GRK3: variants seen among roughly 807,000 people sequenced by gnomAD.
GRK3 encodes the protein adrenergic, beta, receptor kinase 2.
In GRK3, 54 loss-of-function variants were observed where a neutral mutation model predicts 95.7. That is an observed-to-expected ratio of 0.56 (90% confidence interval 0.45 to 0.71). The LOEUF (loss-of-function observed/expected upper bound fraction) is 0.71. GRK3 is among the 30% of genes least tolerant of loss of function. GRK3 has a pLI of 0.00. For missense variants in GRK3, 649 were observed against 851.2 expected (o/e 0.76, Z 2.96); for synonymous variants, 281 against 290.8 (o/e 0.97, Z 0.34).
rs529128041 is a variant in GRK3 at position 25,576,061 on chromosome 22, A to G, written c.113+10908A>G. Among the ~76,000 whole-genome samples, 8 of 152,354 alleles carry G rather than the reference A, an allele frequency of 5.3e-5. 1 individual carries two copies. The South Asian group carries it at 1.7e-3, about 32-fold the overall frequency. On this transcript the variant is annotated intron_variant, in intron 1 of 20. Coordinates refer to ENST00000324198, the MANE Select transcript of GRK3 (RefSeq NM_005160.4). ...AGCCTCCCCCTCCCAAAAGTGCGCT[A>G]ACTCACTTACACAGATTTATCTGAA...
At position 25,632,098 on chromosome 22, in the gene GRK3, C is replaced by A. The variant is rs1279543940; in HGVS notation, c.191-12494C>A. Among the ~76,000 whole-genome samples, 110 of 152,088 alleles carry A rather than the reference C, an allele frequency of 7.2e-4. 3 individuals carry two copies. The highest frequency in any genetic ancestry group is 7.2e-3 in the Admixed American group (110 of 15,266). ...ATACTTAGGAGTGGGATTATTGGGT[C>A]AAATGACAAATGTTTGTTTAAAGAA... On this transcript the variant is annotated intron_variant, in intron 2 of 20. Coordinates refer to ENST00000324198, the MANE Select transcript of GRK3 (RefSeq NM_005160.4).
intron 3 of GRK3, among the ~76,000 whole-genome samples, chr22:25,657,546 T>C (rs1439600366): frequency 2.0e-5 from 3 of 152,194 alleles, no homozygotes; most frequent in African/African-American, 7.2e-5. Context: ...ACTATCAATT[T>C]GTTTTTATAT....
At chr22:25,647,896 A>C in intron 3 of GRK3, 1 of 588,540 alleles carries the variant, frequency 1.7e-6, no homozygotes, top group Non-Finnish European at 3.2e-6. Context: ...GGATCACCTG[A>C]GGTCAGGAGT....
Position 25,724,043 on chromosome 22 carries a change from G to A in GRK3, c.*1593G>A, listed in dbSNP as rs1332932988. ...TTCTACTATCTGTTATTTCCAGTGTGGGAGGAGGGATGTACTACTTACATG... is the reference window on the plus strand; with the variant it reads ...TTCTACTATCTGTTATTTCCAGTGTAGGAGGAGGGATGTACTACTTACATG... On this transcript the variant is annotated 3_prime_UTR_variant, in exon 21 of 21. Coordinates refer to ENST00000324198, the MANE Select transcript of GRK3 (RefSeq NM_005160.4). 1 of 151,478 alleles carries A rather than the reference G, an allele frequency of 6.6e-6. No individual in the cohort carries two copies. The highest frequency in any genetic ancestry group is 1.5e-5 in the Non-Finnish European group (1 of 67,928). 9.4% of individuals were successfully genotyped at this position (151,478 alleles called of 1,614,324 possible).
intron 1 of GRK3, among the ~76,000 whole-genome samples, chr22:25,566,180 A>G (rs996950492): frequency 1.3e-5 from 2 of 152,108 alleles, no homozygotes; most frequent in Non-Finnish European, 2.9e-5. Flanking sequence ...TTGTACAGCT[A>G]ATGTGATTCC....
rs1489125729 is a variant in GRK3 at position 25,727,438 on chromosome 22, G to A, written c.*4988G>A. The A allele has an allele frequency of 1.3e-5, 2 of 152,212 alleles. No individual in the cohort carries two copies. Among genetic ancestry groups the A allele is most frequent in the Non-Finnish European group, 2.9e-5 (2 of 68,038 alleles). 9.4% of individuals were successfully genotyped at this position (152,212 alleles called of 1,614,324 possible). On this transcript the variant is annotated 3_prime_UTR_variant, in exon 21 of 21. Transcript: ENST00000324198. ...GTTGTTTTATTTCAGCCGAATCACA[G>A]AGATAACCACTCCTGCAGGCCCCCA...
intron 2 of GRK3, among the ~76,000 whole-genome samples, chr22:25,636,480 C>A (rs550910129): frequency 1.3e-5 from 2 of 152,300 alleles, no homozygotes; most frequent in South Asian, 4.1e-4. Context: ...TTTGTGTAAG[C>A]CTAGAGTACA....
Position 25,716,005 on chromosome 22 carries a change from T to G in GRK3, c.1654+1435T>G, listed in dbSNP as rs113249284. Among the ~76,000 whole-genome samples the G allele has an allele frequency of 5.1e-3, 774 of 152,244 alleles. 6 individuals carry two copies. Among genetic ancestry groups the G allele is most frequent in the African/African-American group, 0.018 (750 of 41,540 alleles). ...ATTTGTAAGCTCTTCTTTTTTTTTC[T>G]AGATGGAGTCTCACACTGTCACCCA... is the stretch of plus-strand genomic sequence containing the variant. On this transcript the variant is annotated intron_variant, in intron 18 of 20. Transcript: ENST00000324198.
At chr22:25,685,358 G>A in intron 10 of GRK3, 110 bp downstream of exon 10, 1 of 834,336 alleles carries the variant, frequency 1.2e-6, no homozygotes, top group Non-Finnish European at 2.0e-6. Context: ...CAGGTAATTA[G>A]GTTCCCCCTG....
chr22:25,683,107 T>G (rs1324451095), intron 9 of GRK3, among the ~76,000 whole-genome samples: 1 of 152,254 alleles, frequency 6.6e-6, no homozygotes, highest in African/African-American at 2.4e-5. Flanking sequence ...TTTACATTTT[T>G]AAAGGATTGT....
intron 2 of GRK3, among the ~76,000 whole-genome samples, chr22:25,608,420 C>T (rs1333583370): frequency 2.0e-5 from 3 of 152,146 alleles, no homozygotes; most frequent in Non-Finnish European, 4.4e-5. Context: ...TGCCCCCATG[C>T]GTAACATGGC....
chr22:25,651,466 G>A (rs1168843771), intron 3 of GRK3, among the ~76,000 whole-genome samples: 1 of 152,184 alleles, frequency 6.6e-6, no homozygotes, highest in African/African-American at 2.4e-5. Context: ...ACTAAAAACT[G>A]TGGTTGTTTT....
At chr22:25,701,411 A>C (rs1157987567) in intron 13 of GRK3, among the ~76,000 whole-genome samples, 1 of 152,252 alleles carries the variant, frequency 6.6e-6, no homozygotes, top group African/African-American at 2.4e-5. Flanking sequence ...AACTTGAAAG[A>C]CCAAACTGTC....
chr22:25,605,571 A>C (rs1377869518), intron 2 of GRK3, among the ~76,000 whole-genome samples: 1 of 152,102 alleles, frequency 6.6e-6, no homozygotes, highest in Non-Finnish European at 1.5e-5. Flanking sequence ...TTTTTTGTGG[A>C]TTTATTGAGG....
At chr22:25,623,022 A>T (rs1459157093) in intron 2 of GRK3, among the ~76,000 whole-genome samples, 1 of 152,188 alleles carries the variant, frequency 6.6e-6, no homozygotes, top group Non-Finnish European at 1.5e-5. Context: ...GCTCACTGCA[A>T]CCTTTGCCTC....
intron 2 of GRK3, among the ~76,000 whole-genome samples, chr22:25,622,889 A>T (rs760771161): frequency 4.6e-5 from 7 of 152,218 alleles, no homozygotes; most frequent in Non-Finnish European, 8.8e-5. Flanking sequence ...GGGTAAGTGT[A>T]TACATAGTTT....
chr22:25,657,846 A>G (rs2084883401), intron 3 of GRK3, among the ~76,000 whole-genome samples: 1 of 152,056 alleles, frequency 6.6e-6, no homozygotes, highest in Non-Finnish European at 1.5e-5. Flanking sequence ...TGTCCTATAT[A>G]TCCTGGATGC....
chr22:25,702,391 A>G (rs916170296), intron 13 of GRK3, among the ~76,000 whole-genome samples: 2 of 152,158 alleles, frequency 1.3e-5, no homozygotes, highest in African/African-American at 4.8e-5. Context: ...CATTTTATGG[A>G]GTTAATATTA....
chr22:25,639,677 A>C (rs945696211), intron 2 of GRK3, among the ~76,000 whole-genome samples: 1 of 152,100 alleles, frequency 6.6e-6, no homozygotes, highest in African/African-American at 2.4e-5. Flanking sequence ...TATATTTTCG[A>C]ATCAGCTTGT....
Sources: gnomAD v4.1 joint callset for allele counts (sites outside exome capture counted in the v4.1 genomes callset) on GRCh38, gnomAD v4.1.1 for gene constraint, MANE v1.5 for transcripts, NCBI Gene and HGNC (gene_info 2026-07-23, HGNC 2026-07-21) for gene names.